Variants in RARB observed in about 807,000 individuals in gnomAD.
RARB encodes retinoic acid receptor beta, also known as HBV-activated protein.
In RARB, 17 loss-of-function variants were observed where a neutral mutation model predicts 51.9. The observed-to-expected ratio is 0.33, with a 90% confidence interval of 0.22 to 0.49. RARB has a LOEUF of 0.49. RARB is among the 20% of genes least tolerant of loss of function. RARB has a pLI of 0.99. For missense variants in RARB, 369 were observed against 550.8 expected (o/e 0.67, Z 3.30); for synonymous variants, 215 against 195.4 (o/e 1.10, Z -0.84).
intron 5 of RARB, among the ~76,000 whole-genome samples, chr3:25,371,701 CA>C (rs1342644984): frequency 6.6e-6 from 1 of 152,220 alleles, no homozygotes; most frequent in Non-Finnish European, 1.5e-5. Flanking sequence ...TAAAAACACA[CA>C]AAGCCAATCA....
intron 3 of RARB, among the ~76,000 whole-genome samples, chr3:25,090,986 G>A (rs1041204907): frequency 6.6e-6 from 1 of 152,160 alleles, no homozygotes; most frequent in African/African-American, 2.4e-5. Context: ...GCTGAAGTAG[G>A]TTAAAGGACA....
chr3:25,099,118 T>C (rs1489820634), intron 3 of RARB, among the ~76,000 whole-genome samples: 1 of 152,146 alleles, frequency 6.6e-6, no homozygotes, highest in Non-Finnish European at 1.5e-5. Context: ...TAAGTAGTTA[T>C]GAGTGAGGTG....
chr3:24,965,734 C>T (rs753858286), intron 2 of RARB, among the ~76,000 whole-genome samples: 48 of 152,104 alleles, frequency 3.2e-4, no homozygotes, highest in Non-Finnish European at 5.0e-4. Flanking sequence ...CATAATCAAA[C>T]CTCAAATCCG....
At chr3:25,565,135 A>G (rs2125682773) in intron 3 of RARB, among the ~76,000 whole-genome samples, 1 of 152,224 alleles carries the variant, frequency 6.6e-6, no homozygotes, top group East Asian at 1.9e-4. Flanking sequence ...TACGCTGTGG[A>G]CTGTGTGTAC....
At chr3:24,834,116 T>G (rs1214988240) in intron 1 of RARB, among the ~76,000 whole-genome samples, 3 of 152,230 alleles carry the variant, frequency 2.0e-5, no homozygotes, top group Non-Finnish European at 4.4e-5. Context: ...ACTCACCAAT[T>G]CAATACTAAG....
intron 3 of RARB, among the ~76,000 whole-genome samples, chr3:25,066,964 C>A (rs1406840544): frequency 4.6e-5 from 7 of 152,092 alleles, no homozygotes; most frequent in Non-Finnish European, 1.0e-4. Context: ...TCTCCAAAGC[C>A]CTGCCTCAGT....
At chr3:25,007,747 G>T (rs767030339) in intron 2 of RARB, among the ~76,000 whole-genome samples, 1 of 151,938 alleles carries the variant, frequency 6.6e-6, no homozygotes, top group Non-Finnish European at 1.5e-5. Flanking sequence ...TCATTTTCTT[G>T]ATTTTGGGCT....
rs536163307 is a variant in RARB, at chr3:25,420,118, A to T, written c.179-41075A>T. ...TGTGTGTGCGCGCGTGTGTGTGTAT[A>T]ATGTGCTTTTATGCATATCTTTGTT... is the stretch of plus-strand genomic sequence containing the variant. On this transcript the variant is annotated intron_variant, in intron 5 of 11. Transcript: ENST00000383772. 9.9e-5 allele frequency among the ~76,000 whole-genome samples: 15 copies of T among 152,200 alleles called. No homozygotes were observed. In the South Asian group the frequency reaches 3.1e-3, roughly 32 times the overall value.
intron 5 of RARB, among the ~76,000 whole-genome samples, chr3:25,319,333 A>G (rs1370365673): frequency 3.3e-5 from 5 of 152,176 alleles, no homozygotes; most frequent in African/African-American, 4.8e-5. Flanking sequence ...TTGTGGGAGT[A>G]TCTTAATAGC....
rs894059849 is a variant in RARB at position 24,966,105 on chromosome 3, T to A, written c.-379-94020T>A. ...GGCACCTTTATCTTTGAATTTTTTT[T>A]TTTTTTGGTTATTTTAGCTTGTTAA... On this transcript the variant is annotated intron_variant, in intron 2 of 11. Transcript: ENST00000383772. Among the ~76,000 whole-genome samples the A allele has an allele frequency of 5.1e-4, 45 of 88,824 alleles. No individual in the cohort carries two copies. In the South Asian group the frequency reaches 9.5e-3, roughly 19 times the overall value. 58.3% of individuals were successfully genotyped at this position (88,824 alleles called of 152,430 possible). A position where few individuals can be genotyped will look rare whatever the true frequency, so the allele number is the denominator to read the frequency against.
intron 2 of RARB, among the ~76,000 whole-genome samples, chr3:24,909,468 T>A (rs187117370): frequency 6.6e-6 from 1 of 152,086 alleles, no homozygotes; most frequent in East Asian, 1.9e-4. Context: ...AAGAACAGAG[T>A]GTGCACACGA....
chr3:24,931,907 T>G (rs1171977717), intron 2 of RARB, among the ~76,000 whole-genome samples: 11 of 152,080 alleles, frequency 7.2e-5, no homozygotes, highest in Admixed American at 7.2e-4. Flanking sequence ...CTTCTGTTAG[T>G]TGTTTGGAGA....
intron 2 of RARB, among the ~76,000 whole-genome samples, chr3:24,934,364 T>C (rs922523361): frequency 6.6e-6 from 1 of 152,172 alleles, no homozygotes; most frequent in African/African-American, 2.4e-5. Flanking sequence ...CTGGCAGGTT[T>C]TTCTGGTAAG....
chr3:24,924,193 G>A (rs1222728967), intron 2 of RARB, among the ~76,000 whole-genome samples: 1 of 152,102 alleles, frequency 6.6e-6, no homozygotes, highest in African/African-American at 2.4e-5. Context: ...CTAGAAAGAA[G>A]CCCTGAATGT....
intron 2 of RARB, among the ~76,000 whole-genome samples, chr3:25,000,887 A>G (rs1302136986): frequency 6.6e-6 from 1 of 152,184 alleles, no homozygotes; most frequent in Non-Finnish European, 1.5e-5. Flanking sequence ...TGAAGATCAA[A>G]TTGTGACTTT....
chr3:25,239,656 C>T (rs1175936524), intron 5 of RARB, among the ~76,000 whole-genome samples: 2 of 152,138 alleles, frequency 1.3e-5, no homozygotes, highest in African/African-American at 4.8e-5. Context: ...TTCCGTTGGT[C>T]TGCGCATCTG....
chr3:25,237,837 C>T lies in RARB; in HGVS notation c.178+63262C>T, dbSNP rs540809967. On this transcript the variant is annotated intron_variant, in intron 5 of 11. Transcript: ENST00000383772. ...TGCACCAACCCTATTTTGGATACCTCATATATATGAAATCATACAATATAT... is the reference window on the plus strand; with the variant it reads ...TGCACCAACCCTATTTTGGATACCTTATATATATGAAATCATACAATATAT... 5.3e-5 allele frequency among the ~76,000 whole-genome samples: 8 copies of T among 152,222 alleles called. No homozygotes were observed. The East Asian group carries it at 1.2e-3, about 22-fold the overall frequency.
intron 3 of RARB, among the ~76,000 whole-genome samples, chr3:25,072,968 G>T (rs1575147149): frequency 2.0e-5 from 3 of 152,206 alleles, no homozygotes; most frequent in Admixed American, 6.5e-5. Context: ...AAAGTGCTGG[G>T]ATTACAGGTG....
At chr3:25,212,542 CAGGAGGCGG>C (rs2125379138) in intron 5 of RARB, among the ~76,000 whole-genome samples, 1 of 152,316 alleles carries the variant, frequency 6.6e-6, no homozygotes, top group African/African-American at 2.4e-5. Flanking sequence ...CGCTTGAACC[CAGGAGGCGG>C]AGGTTGCAGT....
Sources: gnomAD v4.1 joint callset for allele counts (sites outside exome capture counted in the v4.1 genomes callset) on GRCh38, gnomAD v4.1.1 for gene constraint, MANE v1.5 for transcripts, NCBI Gene and HGNC (gene_info 2026-07-23, HGNC 2026-07-21) for gene names.